Variants in MAP4K4 observed in about 807,000 individuals in gnomAD.
MAP4K4 encodes the protein HPK/GCK-like kinase HGK.
In MAP4K4, 38 loss-of-function variants were observed where a neutral mutation model predicts 189.6. The ratio of observed to expected loss-of-function variants is 0.20; its 90% CI spans 0.15 to 0.26. The LOEUF (loss-of-function observed/expected upper bound fraction) is 0.26, where lower values mean the gene tolerates loss of function less well. Among genes scored for constraint, MAP4K4 ranks in the 10% least tolerant of loss-of-function variants. The probability of loss-of-function intolerance (pLI) is 1.00; values close to 1 mark genes in which losing one functional copy is unlikely to be tolerated. For missense variants in MAP4K4, 1,054 were observed against 1,726.9 expected (o/e 0.61, Z 6.91); for synonymous variants, 610 against 624.3 (o/e 0.98, Z 0.34).
intron 3 of MAP4K4, among the ~76,000 whole-genome samples, chr2:101,801,406 T>C (rs2094358606): frequency 6.6e-6 from 1 of 152,202 alleles, no homozygotes; most frequent in Non-Finnish European, 1.5e-5. Flanking sequence ...TGCAGTCACA[T>C]AGGCCCTGTT....
chr2:101,711,624 G>GT (rs1049349738), intron 2 of MAP4K4, among the ~76,000 whole-genome samples: 29 of 151,102 alleles, frequency 1.9e-4, no homozygotes, highest in East Asian at 5.8e-4. Flanking sequence ...TGATGTTGTG[G>GT]TTTTTTTTTG....
intron 3 of MAP4K4, among the ~76,000 whole-genome samples, chr2:101,814,395 T>C (rs908317466): frequency 6.6e-6 from 1 of 152,244 alleles, no homozygotes. Context: ...GGAATGATTC[T>C]TCATATGTGG....
rs768761458 is a variant in MAP4K4, at chr2:101,870,459, G to C, written c.2760+44G>C. On this transcript the variant is annotated intron_variant, in intron 23 of 32. Transcript: ENST00000324219. ...TTGTCAGAGGCTGAGCTTCTCCTGT[G>C]GTCATTAACCCACTTGCTCATTCAC... 1.9e-6 allele frequency: 3 copies of C among 1,607,964 alleles called. No individual in the cohort carries two copies. The Admixed American group carries it at 5.1e-5, about 27-fold the overall frequency.
chr2:101,755,933 T>C lies in MAP4K4; in HGVS notation c.124-34787T>C, dbSNP rs868182131. On this transcript the variant is annotated intron_variant, in intron 2 of 32. Coordinates refer to ENST00000324219, the Ensembl canonical transcript of MAP4K4. ...TTTATAGTATGAGTTCTTTTTCTTT[T>C]TTTTTTTTTTTTTTTTTTTTTTTTT... 1.1e-3 allele frequency among the ~76,000 whole-genome samples: 101 copies of C among 91,998 alleles called. 1 individual carries two copies. The highest frequency in any genetic ancestry group is 9.9e-3 in the African/African-American group (98 of 9,888). 60.4% of individuals were successfully genotyped at this position (91,998 alleles called of 152,430 possible).
At chr2:101,746,498 A>G (rs747810759) in intron 2 of MAP4K4, among the ~76,000 whole-genome samples, 5 of 151,794 alleles carry the variant, frequency 3.3e-5, no homozygotes, top group Non-Finnish European at 7.4e-5. Flanking sequence ...AGAACTGACT[A>G]CCTCTCACAG....
chr2:101,847,400 T>C (rs1468846128), intron 12 of MAP4K4, among the ~76,000 whole-genome samples: 8 of 152,172 alleles, frequency 5.3e-5, no homozygotes, highest in Non-Finnish European at 1.2e-4. Context: ...GAAGAAGGCA[T>C]TGTGATCATA....
chr2:101,838,725 G>A (rs915964126), intron 9 of MAP4K4, among the ~76,000 whole-genome samples: 1 of 152,106 alleles, frequency 6.6e-6, no homozygotes, highest in African/African-American at 2.4e-5. Context: ...GCAAATAGTT[G>A]ATACGTAAAT....
intron 2 of MAP4K4, among the ~76,000 whole-genome samples, chr2:101,775,271 T>G (rs140135802): frequency 1.3e-5 from 2 of 151,878 alleles, no homozygotes; most frequent in Non-Finnish European, 2.9e-5. Flanking sequence ...GAGAGAAGCC[T>G]TATCCATCAC....
At chr2:101,859,917 C>T in intron 15 of MAP4K4, 53 bp downstream of exon 15, 2 of 1,497,390 alleles carry the variant, frequency 1.3e-6, no homozygotes, top group Non-Finnish European at 1.8e-6. Flanking sequence ...CGTATAACGA[C>T]TCTTCAGAAC....
chr2:101,860,680 C>CT, intron 15 of MAP4K4, 145 bp from the exon 16 acceptor site: 1 of 658,920 alleles, frequency 1.5e-6, no homozygotes, highest in Admixed American at 3.1e-5. Flanking sequence ...TATGTACCTT[C>CT]TTTTTTCCAG....
At chr2:101,767,980 T>C (rs1292053146) in intron 2 of MAP4K4, among the ~76,000 whole-genome samples, 6 of 152,240 alleles carry the variant, frequency 3.9e-5, no homozygotes, top group African/African-American at 1.4e-4. Context: ...GTTGTTCCAA[T>C]AAAAGATTGG....
At chr2:101,857,092 G>C (rs1057393792) in intron 13 of MAP4K4, among the ~76,000 whole-genome samples, 4 of 152,132 alleles carry the variant, frequency 2.6e-5, no homozygotes, top group African/African-American at 9.7e-5. Context: ...TCTGCAAAGA[G>C]GAAAACATTC....
intron 12 of MAP4K4, among the ~76,000 whole-genome samples, chr2:101,849,721 G>A (rs1463611098): frequency 6.9e-6 from 1 of 144,098 alleles, no homozygotes; most frequent in Non-Finnish European, 1.5e-5. Context: ...TGTTTTCTTT[G>A]TTCTTTGTCT....
At chr2:101,884,818 C>T (rs952056113) in intron 28 of MAP4K4, among the ~76,000 whole-genome samples, 11 of 152,144 alleles carry the variant, frequency 7.2e-5, no homozygotes, top group African/African-American at 2.7e-4. Context: ...AGGAGGACCT[C>T]GGTCTCTGTG....
chr2:101,807,900 G>A (rs1370016037), intron 3 of MAP4K4, among the ~76,000 whole-genome samples: 1 of 152,198 alleles, frequency 6.6e-6, no homozygotes, highest in Non-Finnish European at 1.5e-5. Context: ...TATCAAGAGA[G>A]GTGGTGCTAA....
chr2:101,738,437 G>T (rs2061348278), intron 2 of MAP4K4, among the ~76,000 whole-genome samples: 1 of 152,146 alleles, frequency 6.6e-6, no homozygotes, highest in Non-Finnish European at 1.5e-5. Flanking sequence ...AAAAGCAGTA[G>T]GATGCCTTTT....
Position 101,715,626 on chromosome 2 carries a change from G to C in MAP4K4, c.123+17088G>C, listed in dbSNP as rs570698536. Among the ~76,000 whole-genome samples, 9 of 152,256 alleles carry C rather than the reference G, an allele frequency of 5.9e-5. No homozygotes were observed. In the East Asian group the frequency reaches 1.7e-3, roughly 29 times the overall value. ...TCCAAAATGCTCCAGTGAACATTTA[G>C]TTTGAGAGTCATGTTGATGCTCAAA... On this transcript the variant is annotated intron_variant, in intron 2 of 32. Transcript: ENST00000324219.
At chr2:101,726,410 C>A (rs60699647) in intron 2 of MAP4K4, among the ~76,000 whole-genome samples, 2,250 of 152,216 alleles carry the variant, frequency 0.015, 62 homozygotes, top group African/African-American at 0.051. Flanking sequence ...AGAGAACTGC[C>A]AGCAATTAAT....
chr2:101,716,396 T>C (rs1460533197), intron 2 of MAP4K4, among the ~76,000 whole-genome samples: 1 of 152,050 alleles, frequency 6.6e-6, no homozygotes, highest in Non-Finnish European at 1.5e-5. Context: ...TGAGCCAAGA[T>C]TGTGTCATTG....
Sources: gnomAD v4.1 joint callset for allele counts (sites outside exome capture counted in the v4.1 genomes callset) on GRCh38, gnomAD v4.1.1 for gene constraint, MANE v1.5 for transcripts, NCBI Gene and HGNC (gene_info 2026-07-23, HGNC 2026-07-21) for gene names.